MCUB: variants seen among roughly 807,000 people sequenced by gnomAD.
MCUB encodes the protein calcium uniporter regulatory subunit MCUb, mitochondrial.
In MCUB, 46 loss-of-function variants were observed where a neutral mutation model predicts 41.4. The observed-to-expected ratio is 1.11, with a 90% CI of 0.88 to 1.42. MCUB has a LOEUF of 1.42. MCUB is among the 40% of genes most tolerant of loss of function. MCUB has a pLI of 0.00. For missense variants in MCUB, 403 were observed against 404.9 expected (o/e 1.00, Z 0.04); for synonymous variants, 148 against 148.2 (o/e 1.00, Z 0.01).
intron 1 of MCUB, among the ~76,000 whole-genome samples, chr4:109,645,746 TC>T (rs1328438295): frequency 6.6e-6 from 1 of 152,158 alleles, no homozygotes; most frequent in African/African-American, 2.4e-5. Flanking sequence ...ACTCTCATCT[TC>T]CCACCATAAA....
intron 1 of MCUB, among the ~76,000 whole-genome samples, chr4:109,600,779 G>A (rs996403995): frequency 1.3e-5 from 2 of 151,968 alleles, no homozygotes; most frequent in Admixed American, 6.6e-5. Context: ...TTTTTGACAC[G>A]TATTTTTATT....
intron 1 of MCUB, among the ~76,000 whole-genome samples, chr4:109,614,111 A>G (rs1163577882): frequency 6.6e-6 from 1 of 152,206 alleles, no homozygotes; most frequent in Admixed American, 6.5e-5. Flanking sequence ...AGTGGTTCAC[A>G]ATGCAAAATA....
chr4:109,639,373 A>T (rs969589231), intron 1 of MCUB, among the ~76,000 whole-genome samples: 1 of 151,292 alleles, frequency 6.6e-6, no homozygotes, highest in Non-Finnish European at 1.5e-5. Context: ...CCCCCTGAGC[A>T]GTAGGTCTCA....
chr4:109,656,411 T>C (rs1353976962), intron 1 of MCUB, among the ~76,000 whole-genome samples: 1 of 130,774 alleles, frequency 7.6e-6, no homozygotes, highest in African/African-American at 2.9e-5. Flanking sequence ...GGTTTCCCTC[T>C]GTGGCCCAGG....
At chr4:109,606,341 TTTACA>T (rs1008037114) in intron 1 of MCUB, among the ~76,000 whole-genome samples, 1 of 152,106 alleles carries the variant, frequency 6.6e-6, no homozygotes, top group African/African-American at 2.4e-5. Flanking sequence ...GTTTAGTTCA[TTTACA>T]TTCAATGTTA....
intron 1 of MCUB, among the ~76,000 whole-genome samples, chr4:109,633,330 C>T (rs771822206): frequency 8.6e-5 from 13 of 151,872 alleles, no homozygotes; most frequent in Admixed American, 2.6e-4. Context: ...TGCAGTGGCG[C>T]GATCTCGGCT....
At chr4:109,577,618 T>C (rs1473012077) in intron 1 of MCUB, among the ~76,000 whole-genome samples, 1 of 25,396 alleles carries the variant, frequency 3.9e-5, no homozygotes. Flanking sequence ...TTTTTTTTTT[T>C]TTTTTTTTTG....
At chr4:109,650,489 C>G (rs1438092578) in intron 1 of MCUB, among the ~76,000 whole-genome samples, 1 of 151,976 alleles carries the variant, frequency 6.6e-6, no homozygotes, top group South Asian at 2.1e-4. Flanking sequence ...TTTTTTTACC[C>G]TGGCCTACCA....
intron 4 of MCUB, among the ~76,000 whole-genome samples, 160 bp downstream of exon 4, chr4:109,664,554 A>G (rs1729303948): frequency 6.6e-6 from 1 of 151,972 alleles, no homozygotes; most frequent in Non-Finnish European, 1.5e-5. Flanking sequence ...CCTCCAGAGT[A>G]GCTGGGACTA....
chr4:109,641,557 G>A (rs1243171656), intron 1 of MCUB, among the ~76,000 whole-genome samples: 1 of 152,202 alleles, frequency 6.6e-6, no homozygotes, highest in African/African-American at 2.4e-5. Context: ...GGATTACTAA[G>A]ATGTGACAGA....
chr4:109,636,045 A>C (rs1006208093), intron 1 of MCUB, among the ~76,000 whole-genome samples: 7 of 152,230 alleles, frequency 4.6e-5, no homozygotes, highest in African/African-American at 1.7e-4. Flanking sequence ...AGTAGTGTAC[A>C]AAAGTTTCAT....
At chr4:109,571,715 G>T (rs957461685) in intron 1 of MCUB, among the ~76,000 whole-genome samples, 7 of 152,256 alleles carry the variant, frequency 4.6e-5, no homozygotes, top group African/African-American at 1.4e-4. Context: ...GAGCTAAGCT[G>T]ACCTGTTCCT....
At chr4:109,646,421 C>G (rs1056960717) in intron 1 of MCUB, among the ~76,000 whole-genome samples, 2 of 152,116 alleles carry the variant, frequency 1.3e-5, no homozygotes, top group African/African-American at 4.8e-5. Context: ...TTATTTGCTT[C>G]TCTCCATTTT....
At chr4:109,566,458 A>G (rs548301983) in intron 1 of MCUB, among the ~76,000 whole-genome samples, 6 of 145,512 alleles carry the variant, frequency 4.1e-5, no homozygotes, top group Non-Finnish European at 8.9e-5. Flanking sequence ...CAACAGAGTG[A>G]GACTCTGTCT....
chr4:109,575,194 C>A (rs1245480499), intron 1 of MCUB, among the ~76,000 whole-genome samples: 1 of 152,128 alleles, frequency 6.6e-6, no homozygotes. Context: ...AACTCAGATG[C>A]CTTGCTAAAA....
intron 1 of MCUB, among the ~76,000 whole-genome samples, chr4:109,591,291 T>C (rs1727431730): frequency 6.6e-6 from 1 of 152,048 alleles, no homozygotes; most frequent in African/African-American, 2.4e-5. Flanking sequence ...GTGCAAGTGA[T>C]TCTCATGACT....
At chr4:109,629,470 G>A (rs1204055761) in intron 1 of MCUB, among the ~76,000 whole-genome samples, 1 of 152,160 alleles carries the variant, frequency 6.6e-6, no homozygotes, top group Non-Finnish European at 1.5e-5. Flanking sequence ...ATGGATACCA[G>A]CTGGGTATCC....
intron 4 of MCUB, among the ~76,000 whole-genome samples, chr4:109,679,475 G>A (rs887995014): frequency 1.6e-4 from 25 of 152,102 alleles, no homozygotes; most frequent in Admixed American, 1.2e-3. Flanking sequence ...GCGAAACCCC[G>A]TCTCCACCAA....
At chr4:109,660,079 A>G (rs1012368346) in intron 2 of MCUB, 116 bp from the exon 3 acceptor site, 12 of 617,940 alleles carry the variant, frequency 1.9e-5, no homozygotes, top group African/African-American at 9.3e-5. Flanking sequence ...ACAAATTTTT[A>G]TAAGACTTCA....
Sources: gnomAD v4.1 joint callset for allele counts (sites outside exome capture counted in the v4.1 genomes callset) on GRCh38, gnomAD v4.1.1 for gene constraint, MANE v1.5 for transcripts, NCBI Gene and HGNC (gene_info 2026-07-23, HGNC 2026-07-21) for gene names.